A1CF: variants seen among roughly 807,000 people sequenced by gnomAD.
The protein encoded by A1CF is APOBEC-1 stimulating protein.
In A1CF, 48 loss-of-function variants were observed where a neutral mutation model predicts 68.9. The ratio of observed to expected loss-of-function variants is 0.70; its 90% CI spans 0.55 to 0.89. A1CF has a LOEUF of 0.89. Ranked by LOEUF, A1CF falls within the 40% of genes least tolerant of loss-of-function variation. The pLI is 0.00. For synonymous variants in A1CF, 272 were observed against 260.4 expected (o/e 1.04, Z -0.43); for missense variants, 653 against 718.9 (o/e 0.91, Z 1.05).
In A1CF at chr10:50,828,262, A is replaced by G. The variant is rs777552158; in HGVS notation, c.638T>C (p.Val213Ala). ...TTCTACTTCTGGCTCTGCCCAGTCT[A>G]CTGCAATACCATGTCCCCATAACTG... ...RIQLWGHGIA[V>A]DWAEPEVEVD... The change falls in exon 7 of 13, where the codon GTA becomes GCA. Residue 213 changes from valine to alanine, a missense_variant. Val to Ala is a moderately conservative substitution (Grantham distance 64, BLOSUM62 0). Coordinates refer to ENST00000373997, the MANE Select transcript of A1CF (RefSeq NM_014576.4). The G allele has an allele frequency of 6.3e-7, 1 of 1,598,912 alleles. No individual in the cohort carries two copies. The highest frequency in any genetic ancestry group is 2.2e-5 in the East Asian group (1 of 44,586).
chr10:50,884,030 C>A (rs1183311180), intron 1 of A1CF, among the ~76,000 whole-genome samples: 2 of 152,198 alleles, frequency 1.3e-5, no homozygotes, highest in African/African-American at 4.8e-5. Flanking sequence ...TGCTTGTTAT[C>A]ATTATTACTC....
rs563628664 is a variant in A1CF at position 50,805,753 on chromosome 10, G to T, written c.*976C>A. 2 of 152,300 alleles carry T rather than the reference G, an allele frequency of 1.3e-5. No individual in the cohort carries two copies. The highest frequency in any genetic ancestry group is 2.4e-5 in the African/African-American group (1 of 41,568). The allele number at this position is 152,300 out of a possible 1,614,324, so 9.4% of individuals were successfully genotyped here. ...ATTGCTAGATGGTGGGGTGGATACT[G>T]CAACAATATCAAAGAAATGAGAGCA... On this transcript the variant is annotated 3_prime_UTR_variant, in exon 13 of 13. Transcript: ENST00000373997.
chr10:50,820,410 C>G, intron 8 of A1CF, 142 bp downstream of exon 8: 1 of 591,140 alleles, frequency 1.7e-6, no homozygotes, highest in Non-Finnish European at 2.9e-6. Context: ...CATCATTTCT[C>G]TTTAGTACAT....
chr10:50,828,328 T>C (rs775098594), intron 6 of A1CF, 33 bp from the exon 7 acceptor site: 1 of 1,476,740 alleles, frequency 6.8e-7, no homozygotes, highest in African/African-American at 1.4e-5. Flanking sequence ...TGATTAATTA[T>C]GTAGGAATCA....
At chr10:50,868,038 G>T (rs12247876) in intron 1 of A1CF, among the ~76,000 whole-genome samples, 1 of 152,124 alleles carries the variant, frequency 6.6e-6, no homozygotes, top group African/African-American at 2.4e-5. Context: ...GGTGCTCCAC[G>T]TGCATTTCAA....
rs1837536668 is a variant in A1CF, at chr10:50,800,019, CA to C, written c.*6709del. 6.6e-6 allele frequency: 1 copy of C among 151,736 alleles called. No individual in the cohort carries two copies. Among genetic ancestry groups the C allele is most frequent in the Non-Finnish European group, 1.5e-5 (1 of 67,884 alleles). 9.4% of individuals were successfully genotyped at this position (151,736 alleles called of 1,614,324 possible). A position where few individuals can be genotyped will look rare whatever the true frequency, so the allele number is the denominator to read the frequency against. ...GAATTATAAAGAAAATGCCAAGTTT[CA>C]AAATAAAATTTACATTTGTAAAAAG... On this transcript the variant is annotated 3_prime_UTR_variant, in exon 13 of 13. Transcript: ENST00000373997.
At chr10:50,831,913 G>T (rs1241774884) in intron 6 of A1CF, among the ~76,000 whole-genome samples, 2 of 152,108 alleles carry the variant, frequency 1.3e-5, no homozygotes, top group Non-Finnish European at 1.5e-5. Flanking sequence ...AAAGATCAAA[G>T]ATGATGTTGG....
Position 50,828,129 on chromosome 10 carries a change from A to G in A1CF, c.769+2T>C, listed in dbSNP as rs1214659008. 6.3e-7 allele frequency: 1 copy of G among 1,577,298 alleles called. No individual in the cohort carries two copies. Among genetic ancestry groups the G allele is most frequent in the Non-Finnish European group, 8.7e-7 (1 of 1,154,930 alleles). ...AAAACTAATCTTGTATATATGTCCT[A>G]CCTGGTTTGATATTGTTGAATTCCT... On this transcript the variant is annotated splice_donor_variant, in intron 7 of 12. Transcript: ENST00000373997. LOFTEE classifies it high-confidence loss of function.
intron 5 of A1CF, among the ~76,000 whole-genome samples, chr10:50,838,992 C>G (rs554022945): frequency 6.6e-6 from 1 of 152,270 alleles, no homozygotes; most frequent in East Asian, 1.9e-4. Flanking sequence ...CCACCATAAC[C>G]TTCTGCAAAC....
At position 50,816,159 on chromosome 10, in the gene A1CF, AGTAG is replaced by A. The variant is rs1408461039; in HGVS notation, c.984_987del (p.Tyr329LeufsTer56). ...GTGGGATCATAAACTTGGCCCAAAG[AGTAG>A]GTATACTCTCCTTGCAGCATGGTGC... On this transcript the variant is annotated frameshift_variant, in exon 9 of 13. Coordinates refer to ENST00000373997, the MANE Select transcript of A1CF (RefSeq NM_014576.4). LOFTEE classifies it high-confidence loss of function. 1 of 1,613,818 alleles carries A rather than the reference AGTAG, an allele frequency of 6.2e-7. No individual in the cohort carries two copies. The highest frequency in any genetic ancestry group is 8.5e-7 in the Non-Finnish European group (1 of 1,179,868).
chr10:50,837,820 G>A (rs1034708009), intron 5 of A1CF, among the ~76,000 whole-genome samples: 22 of 152,196 alleles, frequency 1.4e-4, no homozygotes, highest in Admixed American at 7.9e-4. Context: ...AAAGAGTAAC[G>A]TAGAAGAATA....
chr10:50,871,569 G>C (rs182368414), intron 1 of A1CF, among the ~76,000 whole-genome samples: 49 of 151,990 alleles, frequency 3.2e-4, no homozygotes, highest in Admixed American at 9.8e-4. Context: ...ATAATGATTT[G>C]GAACAGCCCT....
chr10:50,864,535 A>G (rs78223605), intron 1 of A1CF, among the ~76,000 whole-genome samples: 2,048 of 132,380 alleles, frequency 0.015, 40 homozygotes, highest in Middle Eastern at 0.029. Flanking sequence ...GTCCTCTCAG[A>G]CACTGTGTTT....
intron 7 of A1CF, among the ~76,000 whole-genome samples, chr10:50,822,446 A>G (rs527939148): frequency 5.0e-4 from 76 of 152,204 alleles, no homozygotes; most frequent in Non-Finnish European, 1.5e-4. Flanking sequence ...TCAAAGTTTC[A>G]TTATCTTCTT....
intron 3 of A1CF, among the ~76,000 whole-genome samples, chr10:50,848,708 CTG>C (rs1840105703): frequency 2.0e-5 from 3 of 152,246 alleles, no homozygotes; most frequent in South Asian, 4.2e-4. Flanking sequence ...AGGGAAGAAA[CTG>C]TGTATTTTTC....
intron 3 of A1CF, among the ~76,000 whole-genome samples, chr10:50,857,561 G>T (rs1471173389): frequency 6.6e-6 from 1 of 152,188 alleles, no homozygotes; most frequent in Non-Finnish European, 1.5e-5. Context: ...GTGACTCTTA[G>T]TTCCCCCTAA....
At chr10:50,876,829 A>G (rs565185111) in intron 1 of A1CF, among the ~76,000 whole-genome samples, 1 of 152,348 alleles carries the variant, frequency 6.6e-6, no homozygotes, top group Non-Finnish European at 1.5e-5. Context: ...GTAGACTTAC[A>G]TATTTATATG....
At chr10:50,856,736 A>G (rs1021132616) in intron 3 of A1CF, among the ~76,000 whole-genome samples, 3 of 152,164 alleles carry the variant, frequency 2.0e-5, no homozygotes, top group African/African-American at 7.2e-5. Flanking sequence ...AGTAAGGACT[A>G]GATGAGTTAA....
chr10:50,837,904 G>T (rs1179964967), intron 5 of A1CF, among the ~76,000 whole-genome samples: 1 of 152,166 alleles, frequency 6.6e-6, no homozygotes, highest in Non-Finnish European at 1.5e-5. Context: ...ATATGTGAAG[G>T]CCATTTTGAT....
Sources: gnomAD v4.1 joint callset for allele counts (sites outside exome capture counted in the v4.1 genomes callset) on GRCh38, gnomAD v4.1.1 for gene constraint, MANE v1.5 for transcripts, NCBI Gene and HGNC (gene_info 2026-07-23, HGNC 2026-07-21) for gene names.